Variants in MLIP observed in about 807,000 individuals in gnomAD.
MLIP encodes the protein muscular LMNA-interacting protein.
Under a neutral mutation model 84.8 loss-of-function variants are expected in MLIP, and 79 were observed. The ratio of observed to expected loss-of-function variants is 0.93; its 90% CI spans 0.78 to 1.12. The LOEUF is 1.12. Among genes scored for constraint, MLIP ranks in the 50% most tolerant of loss-of-function variants. MLIP has a pLI of 0.00. For synonymous variants in MLIP, 504 were observed against 463.0 expected (o/e 1.09, Z -1.14); for missense variants, 1,257 against 1,160.6 (o/e 1.08, Z -1.21).
At chr6:54,217,528 AAT>A in intron 11 of MLIP, 1 of 985,278 alleles carries the variant, frequency 1.0e-6, no homozygotes, top group Non-Finnish European at 1.2e-6. Flanking sequence ...TTTGTCTGCT[AAT>A]TTTTCTTTAA....
chr6:54,165,855 G>T (rs898024321), intron 8 of MLIP, among the ~76,000 whole-genome samples: 2 of 151,932 alleles, frequency 1.3e-5, no homozygotes, highest in African/African-American at 4.8e-5. Flanking sequence ...TGATTGGGTT[G>T]TGAGGATGGG....
chr6:54,178,143 A>G lies in MLIP; in HGVS notation c.2544+8571A>G, dbSNP rs576401496. Among the ~76,000 whole-genome samples, 3 of 152,298 alleles carry G rather than the reference A, an allele frequency of 2.0e-5. No homozygotes were observed. In the South Asian group the frequency reaches 6.2e-4, roughly 32 times the overall value. ...TGGGTTGATAGGTGTAGAAACCACC[A>G]AAGCACACATTTACATGGGGAACTA... is the stretch of plus-strand genomic sequence containing the variant. On this transcript the variant is annotated intron_variant, in intron 9 of 13. Transcript: ENST00000502396.
At position 54,027,412 on chromosome 6, in the gene MLIP, CACACACACAT is replaced by C. The variant is rs1377070869; in HGVS notation, c.63+8323_63+8332del. Among the ~76,000 whole-genome samples, 318 of 67,930 alleles carry C rather than the reference CACACACACAT, an allele frequency of 4.7e-3. 2 individuals are homozygous for C. Among genetic ancestry groups the C allele is most frequent in the Non-Finnish European group, 7.6e-3 (220 of 29,110 alleles). The allele number at this position is 67,930 out of a possible 152,430, so 44.6% of individuals were successfully genotyped here. On this transcript the variant is annotated intron_variant, in intron 1 of 12. Transcript: ENST00000274897. ...ACACACACACACACACACACACACA[CACACACACAT>C]ATATACATAAAATCTGTGTGTTAAA...
rs1212786517 is a variant in MLIP at position 54,252,091 on chromosome 6, ATATATTATAACATATAATATATAAC to A, written c.2923-5187_2923-5163del. ...ATAACATATAATATATAATATAAAT[ATATATTATAACATATAATATATAAC>A]TATATTATAACATATAATATATAAC... On this transcript the variant is annotated intron_variant, in intron 12 of 13. Transcript: ENST00000502396. Among the ~76,000 whole-genome samples, 29 of 73,318 alleles carry A rather than the reference ATATATTATAACATATAATATATAAC, an allele frequency of 4.0e-4. No homozygotes were observed. The South Asian group carries it at 4.6e-3, about 12-fold the overall frequency. 48.1% of individuals were successfully genotyped at this position (73,318 alleles called of 152,430 possible).
At chr6:54,208,583 T>G (rs1316173727) in intron 11 of MLIP, among the ~76,000 whole-genome samples, 5 of 152,130 alleles carry the variant, frequency 3.3e-5, no homozygotes, top group Non-Finnish European at 7.4e-5. Context: ...AAGACCTCCA[T>G]CTCTTAAAAA....
intron 12 of MLIP, among the ~76,000 whole-genome samples, chr6:54,231,441 G>A (rs1447624853): frequency 6.6e-6 from 1 of 150,810 alleles, no homozygotes; most frequent in Non-Finnish European, 1.5e-5. Context: ...AAATAATGAA[G>A]TGTTTCGTAC....
rs144720051 is a variant in MLIP, at chr6:54,103,009, A to G, written c.64-18438A>G. Among the ~76,000 whole-genome samples the G allele has an allele frequency of 2.4e-3, 367 of 152,208 alleles. 2 individuals are homozygous for G. The highest frequency in any genetic ancestry group is 8.4e-3 in the African/African-American group (350 of 41,528). On this transcript the variant is annotated intron_variant, in intron 1 of 12. Transcript: ENST00000274897. ...GTGTGTCAGAAATTATGTTAACCTCATGATGTAAATTAAAATATTCACCAT... is the reference window on the plus strand; with the variant it reads ...GTGTGTCAGAAATTATGTTAACCTCGTGATGTAAATTAAAATATTCACCAT...
chr6:54,171,959 A>G (rs1180864191), intron 9 of MLIP, among the ~76,000 whole-genome samples: 1 of 151,536 alleles, frequency 6.6e-6, no homozygotes, highest in Non-Finnish European at 1.5e-5. Context: ...AACTGCTGGG[A>G]TTCAGTGCGT....
intron 13 of MLIP, among the ~76,000 whole-genome samples, chr6:54,258,700 C>A (rs1321748791): frequency 6.6e-6 from 1 of 151,952 alleles, no homozygotes; most frequent in Non-Finnish European, 1.5e-5. Context: ...CAGTGTTATG[C>A]ACTTTGTTTT....
intron 9 of MLIP, among the ~76,000 whole-genome samples, chr6:54,175,685 A>G (rs1457987423): frequency 6.6e-6 from 1 of 152,158 alleles, no homozygotes; most frequent in Middle Eastern, 3.4e-3. Context: ...AGATAATGTC[A>G]TCTGCAAACA....
intron 5 of MLIP, among the ~76,000 whole-genome samples, chr6:54,157,423 G>A (rs555048219): frequency 1.3e-5 from 2 of 152,154 alleles, no homozygotes; most frequent in Non-Finnish European, 2.9e-5. Flanking sequence ...TGACCAGGTG[G>A]AATTCCTGAG....
At chr6:54,119,310 T>A (rs940863072) in intron 1 of MLIP, among the ~76,000 whole-genome samples, 1 of 152,206 alleles carries the variant, frequency 6.6e-6, no homozygotes, top group African/African-American at 2.4e-5. Context: ...AATGGATGAA[T>A]GGATAGAGAA....
chr6:54,146,768 C>T (rs1432716004), intron 4 of MLIP, among the ~76,000 whole-genome samples: 1 of 152,104 alleles, frequency 6.6e-6, no homozygotes, highest in Non-Finnish European at 1.5e-5. Flanking sequence ...CAGGCTTTCC[C>T]AGCTATATTC....
chr6:54,084,094 T>C (rs1478662631), intron 1 of MLIP, among the ~76,000 whole-genome samples: 3 of 152,224 alleles, frequency 2.0e-5, no homozygotes, highest in African/African-American at 4.8e-5. Flanking sequence ...GTCTCAGTTA[T>C]GCTTTGTGAC....
rs1781057880 is a variant in MLIP, at chr6:54,232,291, A to T, written c.2922+1374A>T. 2.0e-5 allele frequency among the ~76,000 whole-genome samples: 3 copies of T among 152,142 alleles called. No individual in the cohort carries two copies. The South Asian group carries it at 6.2e-4, about 31-fold the overall frequency. ...TTAATTTACAGATATCCGTTACATGATATAGCTCATTGTTTTGATATTTTG... is the reference window on the plus strand; with the variant it reads ...TTAATTTACAGATATCCGTTACATGTTATAGCTCATTGTTTTGATATTTTG... On this transcript the variant is annotated intron_variant, in intron 12 of 13. Transcript: ENST00000502396.
intron 12 of MLIP, among the ~76,000 whole-genome samples, chr6:54,252,177 C>CATATAATATATAACTATATTATAACAT (rs376252510): frequency 1.3e-5 from 1 of 77,542 alleles, no homozygotes; most frequent in African/African-American, 8.7e-5. Context: ...TATATTATAA[C>CATATAATATATAACTATATTATAACAT]ATAATATATA....
At chr6:54,108,139 G>A (rs566545746), upstream of MLIP, among the ~76,000 whole-genome samples, 7 of 152,228 alleles carry the variant, frequency 4.6e-5, no homozygotes, top group Non-Finnish European at 7.4e-5. Context: ...AGATTTTAAA[G>A]AGAATTTTGG....
intron 9 of MLIP, among the ~76,000 whole-genome samples, chr6:54,181,095 G>C (rs1298645613): frequency 6.6e-6 from 1 of 152,142 alleles, no homozygotes; most frequent in African/African-American, 2.4e-5. Context: ...GCACCCCTGT[G>C]GCAAGTTCCC....
intron 11 of MLIP, among the ~76,000 whole-genome samples, chr6:54,205,860 G>A (rs999623894): frequency 2.0e-5 from 3 of 151,858 alleles, no homozygotes; most frequent in Non-Finnish European, 4.4e-5. Context: ...ATCTTCACTC[G>A]TTATTCAGTT....
Sources: allele counts gnomAD v4.1 joint callset (sites outside exome capture counted in the v4.1 genomes callset), GRCh38; gene constraint gnomAD v4.1.1; transcripts MANE v1.5; gene names NCBI Gene and HGNC (gene_info 2026-07-23, HGNC 2026-07-21).